The following TEK variants were observed in gnomAD, a reference collection of about 807,000 sequenced individuals.
TEK encodes TEK receptor tyrosine kinase.
TEK carries 43 observed loss-of-function variants against 131.8 expected under a neutral mutation model. The observed-to-expected ratio is 0.33, with a 90% CI of 0.26 to 0.42. The LOEUF is 0.42. Ranked by LOEUF, TEK falls within the 10% of genes least tolerant of loss-of-function variation. The pLI is 1.00. For missense variants in TEK, 1,162 were observed against 1,384.4 expected (o/e 0.84, Z 2.55); for synonymous variants, 580 against 491.6 (o/e 1.18, Z -2.38).
intron 3 of TEK, 25 bp downstream of exon 3, chr9:27,168,630 C>T: frequency 6.8e-7 from 1 of 1,478,724 alleles, no homozygotes. Flanking sequence ...CATTGCTTTC[C>T]CCAGTATGAT....
chr9:27,225,376 T>G (rs1010803102), intron 21 of TEK, among the ~76,000 whole-genome samples: 1 of 152,192 alleles, frequency 6.6e-6, no homozygotes, highest in Non-Finnish European at 1.5e-5. Context: ...AGGATGGTAC[T>G]GGTACTAAAA....
intron 1 of TEK, among the ~76,000 whole-genome samples, chr9:27,140,126 C>T (rs748579008): frequency 9.1e-4 from 138 of 152,270 alleles, no homozygotes; most frequent in Non-Finnish European, 1.6e-3. Flanking sequence ...CAACACCAAA[C>T]TTATTTAAGT....
intron 5 of TEK, among the ~76,000 whole-genome samples, 184 bp downstream of exon 5, chr9:27,172,931 A>G (rs914093014): frequency 1.4e-4 from 22 of 152,164 alleles, no homozygotes; most frequent in African/African-American, 5.3e-4. Flanking sequence ...CAACCACTGG[A>G]AAGTTATAAT....
chr9:27,171,995 A>G (rs1450855414), intron 4 of TEK, among the ~76,000 whole-genome samples: 1 of 152,170 alleles, frequency 6.6e-6, no homozygotes, highest in African/African-American at 2.4e-5. Context: ...ATACCTATAC[A>G]TGTTGATATA....
intron 1 of TEK, among the ~76,000 whole-genome samples, chr9:27,136,789 G>A (rs1027452277): frequency 6.6e-6 from 1 of 151,552 alleles, no homozygotes; most frequent in African/African-American, 2.4e-5. Flanking sequence ...TTCCTTTTGT[G>A]CCATCCATTG....
At chr9:27,124,205 A>G (rs984128277) in intron 1 of TEK, among the ~76,000 whole-genome samples, 1 of 152,256 alleles carries the variant, frequency 6.6e-6, no homozygotes, top group Admixed American at 6.5e-5. Flanking sequence ...CCATGTAACA[A>G]ACTACTCCCA....
chr9:27,141,009 T>TAA (rs1822703807), intron 1 of TEK, among the ~76,000 whole-genome samples: 1 of 152,154 alleles, frequency 6.6e-6, no homozygotes, highest in African/African-American at 2.4e-5. Context: ...GTTCTCTGCC[T>TAA]ATCTCTGTTT....
chr9:27,206,777 A>G lies in TEK; in HGVS notation c.2560A>G (p.Ile854Val). 1 of 1,614,012 alleles carries G rather than the reference A, an allele frequency of 6.2e-7. No individual in the cohort carries two copies. The highest frequency in any genetic ancestry group is 8.5e-7 in the Non-Finnish European group (1 of 1,179,956). The change falls in exon 15 of 23, where the codon ATC (isoleucine) becomes GTC (valine). Residue 854 changes from isoleucine (I) to valine (V), a missense_variant. Coordinates refer to ENST00000380036, the MANE Select transcript of TEK (RefSeq NM_000459.5). ...KKDGLRMDAA[I>V]KRMKEYASKD... ...GGATGGGTTACGGATGGATGCTGCC[A>G]TCAAAAGAATGAAAGGTCAGTGGTT...
At chr9:27,172,563 T>A in intron 4 of TEK, 53 bp from the exon 5 acceptor site, 1 of 1,609,116 alleles carries the variant, frequency 6.2e-7, no homozygotes, top group Non-Finnish European at 8.5e-7. Context: ...TCAATAAAGA[T>A]GTGTTGAGCG....
At chr9:27,145,279 A>G (rs1469257053) in intron 1 of TEK, among the ~76,000 whole-genome samples, 1 of 151,818 alleles carries the variant, frequency 6.6e-6, no homozygotes, top group Non-Finnish European at 1.5e-5. Context: ...GAATCAAAGG[A>G]CTCTTGAAGG....
intron 16 of TEK, among the ~76,000 whole-genome samples, chr9:27,210,918 A>G (rs1215117132): frequency 6.6e-6 from 1 of 152,114 alleles, no homozygotes; most frequent in African/African-American, 2.4e-5. Context: ...AGATGTCGAG[A>G]CCATCCTGGC....
At chr9:27,205,420 G>T (rs895099911) in intron 14 of TEK, among the ~76,000 whole-genome samples, 1 of 152,068 alleles carries the variant, frequency 6.6e-6, no homozygotes, top group South Asian at 2.1e-4. Context: ...AAGGACAGAG[G>T]GTAACCAGAC....
At chr9:27,142,204 T>A (rs1587509435) in intron 1 of TEK, among the ~76,000 whole-genome samples, 1 of 152,174 alleles carries the variant, frequency 6.6e-6, no homozygotes, top group Non-Finnish European at 1.5e-5. Context: ...ATATTAGCAG[T>A]GAAAGAGTTG....
rs747012253 is a variant in TEK, at chr9:27,180,104, C to T, written c.902-136C>T. ...CCAGCTTTTTAAGTTCCTGGTAATT[C>T]AGATAAATTACCCCCTACCTTACAC... is the stretch of plus-strand genomic sequence containing the variant. On this transcript the variant is annotated intron_variant, in intron 6 of 22. Coordinates refer to ENST00000380036, the MANE Select transcript of TEK (RefSeq NM_000459.5). 1.1e-3 allele frequency: 1,342 copies of T among 1,264,382 alleles called. 14 individuals are homozygous for T. Among genetic ancestry groups the T allele is most frequent in the Middle Eastern group, 3.8e-4 (2 of 5,284 alleles). 78.3% of individuals were successfully genotyped at this position (1,264,382 alleles called of 1,614,324 possible).
intron 1 of TEK, among the ~76,000 whole-genome samples, chr9:27,142,248 C>T (rs1004846433): frequency 1.3e-5 from 2 of 152,136 alleles, no homozygotes; most frequent in Non-Finnish European, 2.9e-5. Flanking sequence ...AGCATCTGTA[C>T]TTGTGAAGGT....
chr9:27,144,088 C>A (rs868725317), intron 1 of TEK, among the ~76,000 whole-genome samples: 26 of 152,310 alleles, frequency 1.7e-4, no homozygotes, highest in African/African-American at 4.3e-4. Flanking sequence ...TCGATACCAT[C>A]CTGGCCAACA....
chr9:27,228,640 C>T (rs562938127), intron 22 of TEK, among the ~76,000 whole-genome samples: 13 of 152,252 alleles, frequency 8.5e-5, no homozygotes, highest in African/African-American at 3.1e-4. Flanking sequence ...CAAGGACACA[C>T]AGCAAGTAGA....
chr9:27,206,746 C>T lies in TEK; in HGVS notation c.2529C>T (p.Ile843=). 3 of 1,613,994 alleles carry T rather than the reference C, an allele frequency of 1.9e-6. No homozygotes were observed. Among genetic ancestry groups the T allele is most frequent in the Non-Finnish European group, 2.5e-6 (3 of 1,179,964 alleles). Residue 843 remains isoleucine, a synonymous_variant, in exon 15 of 23, where the codon ATC becomes ATT. Transcript: ENST00000380036. ...TTGGCCAAGTTCTTAAGGCGCGCAT[C>T]AAGAAGGATGGGTTACGGATGGATG... is the stretch of plus-strand genomic sequence containing the variant. ...GNFGQVLKAR[I]KKDGLRMDAA...
intron 1 of TEK, among the ~76,000 whole-genome samples, chr9:27,135,012 G>A (rs773133690): frequency 2.0e-5 from 3 of 152,242 alleles, no homozygotes; most frequent in Admixed American, 6.5e-5. Flanking sequence ...ATCACCTGAC[G>A]TCAAGCGTTG....
Sources: allele counts gnomAD v4.1 joint callset (sites outside exome capture counted in the v4.1 genomes callset), GRCh38; gene constraint gnomAD v4.1.1; transcripts MANE v1.5; gene names NCBI Gene and HGNC (gene_info 2026-07-23, HGNC 2026-07-21).